The following SETBP1 variants were observed in gnomAD, a reference collection of about 807,000 sequenced individuals.
SETBP1 encodes SET-binding protein.
In SETBP1, 9 loss-of-function variants were observed where a neutral mutation model predicts 101.0. That is an observed-to-expected ratio of 0.09 (90% CI 0.05 to 0.16). The LOEUF is 0.16. Among genes scored for constraint, SETBP1 ranks in the 10% least tolerant of loss-of-function variants. SETBP1 has a pLI of 1.00. For missense variants in SETBP1, 1,858 were observed against 2,033.8 expected, an observed-to-expected ratio of 0.91 and a Z score of 1.66; for synonymous variants, 818 against 788.5, an observed-to-expected ratio of 1.04 and a Z score of -0.63.
intron 5 of SETBP1, among the ~76,000 whole-genome samples, chr18:45,045,732 A>T (rs1359834293): frequency 1.3e-5 from 2 of 152,130 alleles, no homozygotes; most frequent in Non-Finnish European, 2.9e-5. Context: ...AAATGGGGAA[A>T]AGAATATGAC....
rs147768665 is a variant in SETBP1 at position 44,950,679 on chromosome 18, G to A, written c.1339G>A (p.Val447Ile). Residue 447 changes from valine (V) to isoleucine (I), a missense_variant, in exon 4 of 6, where the codon GTA (valine) becomes ATA (isoleucine). Around this residue, in one of 12 missense-constraint regions of SETBP1, gnomAD observed 581 missense variants for 535.1 expected, o/e 1.09. Coordinates refer to ENST00000649279, the MANE Select transcript of SETBP1 (RefSeq NM_015559.3). ...TTCTGGAATCACCATGAGCAGTGAA[G>A]TAGTTAACAGGATACTTTCCAACTC... ...LASGITMSSE[V>I]VNRILSNSEG... The A allele has an allele frequency of 6.2e-7, 1 of 1,614,188 alleles. No homozygotes were observed. Among genetic ancestry groups the A allele is most frequent in the South Asian group, 1.1e-5 (1 of 91,082 alleles).
At chr18:44,742,974 C>T (rs1398642322) in intron 2 of SETBP1, among the ~76,000 whole-genome samples, 2 of 139,164 alleles carry the variant, frequency 1.4e-5, no homozygotes, top group Admixed American at 1.4e-4. Context: ...TCTCTCTCCC[C>T]CCCTGTCCCG....
intron 3 of SETBP1, among the ~76,000 whole-genome samples, chr18:44,914,627 G>C (rs1568214470): frequency 6.6e-6 from 1 of 152,154 alleles, no homozygotes; most frequent in Non-Finnish European, 1.5e-5. Flanking sequence ...GATGGTGGGA[G>C]GTGGTAGGAA....
intron 2 of SETBP1, among the ~76,000 whole-genome samples, chr18:44,765,815 G>A (rs923818383): frequency 6.6e-6 from 1 of 152,206 alleles, no homozygotes; most frequent in South Asian, 2.1e-4. Flanking sequence ...AAGCACCCAT[G>A]AAGCATCTCC....
chr18:44,919,861 A>T (rs2070538911), intron 3 of SETBP1, among the ~76,000 whole-genome samples: 1 of 152,174 alleles, frequency 6.6e-6, no homozygotes, highest in Admixed American at 6.5e-5. Context: ...TATGTATGTC[A>T]GATATATCTC....
In SETBP1 at chr18:45,017,607, A is replaced by G. The variant is rs551927450; in HGVS notation, c.4001-20878A>G. Reference sequence around the variant, plus strand: ...GAGGTGGCTGTAAAGGTGGCTATCAATGTTTTGGCAAGTGCTGCCTCGTTA... The same window carrying G: ...GAGGTGGCTGTAAAGGTGGCTATCAGTGTTTTGGCAAGTGCTGCCTCGTTA... On this transcript the variant is annotated intron_variant, in intron 4 of 5. Coordinates refer to ENST00000649279, the MANE Select transcript of SETBP1 (RefSeq NM_015559.3). 1.3e-5 allele frequency among the ~76,000 whole-genome samples: 2 copies of G among 152,328 alleles called. 1 individual carries two copies. The highest frequency in any genetic ancestry group is 4.8e-5 in the African/African-American group (2 of 41,574).
At chr18:44,904,239 C>T (rs1201469865) in intron 3 of SETBP1, among the ~76,000 whole-genome samples, 2 of 152,178 alleles carry the variant, frequency 1.3e-5, no homozygotes, top group African/African-American at 4.8e-5. Context: ...TCCTCTGTGA[C>T]TAACTTTTTT....
chr18:44,959,635 C>G (rs1355787617), intron 4 of SETBP1, among the ~76,000 whole-genome samples: 1 of 152,082 alleles, frequency 6.6e-6, no homozygotes, highest in African/African-American at 2.4e-5. Context: ...CAAGAGCCAT[C>G]AGAAAGCCAC....
intron 4 of SETBP1, among the ~76,000 whole-genome samples, chr18:44,974,336 C>A (rs892087197): frequency 1.3e-5 from 2 of 152,070 alleles, no homozygotes; most frequent in African/African-American, 4.8e-5. Context: ...CTACAATAAT[C>A]CAGGCGAGAG....
At chr18:44,917,539 C>G (rs780925276) in intron 3 of SETBP1, among the ~76,000 whole-genome samples, 1 of 152,180 alleles carries the variant, frequency 6.6e-6, no homozygotes, top group Non-Finnish European at 1.5e-5. Context: ...TTCTCTGATA[C>G]AGTTACTGAG....
At chr18:44,970,912 A>G (rs2071837033) in intron 4 of SETBP1, among the ~76,000 whole-genome samples, 1 of 151,940 alleles carries the variant, frequency 6.6e-6, no homozygotes, top group Admixed American at 6.6e-5. Flanking sequence ...ACATGTGCAC[A>G]ACGTGCAGGT....
At chr18:45,042,776 G>A (rs1224458424) in intron 5 of SETBP1, among the ~76,000 whole-genome samples, 5 of 152,110 alleles carry the variant, frequency 3.3e-5, no homozygotes, top group Non-Finnish European at 7.4e-5. Context: ...GGGGGCCATC[G>A]AGGAGATGCA....
intron 4 of SETBP1, among the ~76,000 whole-genome samples, chr18:44,993,405 G>T (rs184753905): frequency 1.3e-5 from 2 of 151,950 alleles, no homozygotes; most frequent in African/African-American, 4.8e-5. Context: ...ATGACATCCA[G>T]AAATAATATA....
chr18:44,977,979 C>T (rs2072027523), intron 4 of SETBP1, among the ~76,000 whole-genome samples: 1 of 152,010 alleles, frequency 6.6e-6, no homozygotes, highest in African/African-American at 2.4e-5. Flanking sequence ...AGCTCTGGGG[C>T]CTGTGCTCTT....
At chr18:45,017,464 G>C (rs768421583) in intron 4 of SETBP1, among the ~76,000 whole-genome samples, 23 of 152,180 alleles carry the variant, frequency 1.5e-4, no homozygotes, top group Non-Finnish European at 2.5e-4. Flanking sequence ...TGCCCACTGT[G>C]AACACTTAGC....
rs114784296 is a variant in SETBP1 at position 44,793,878 on chromosome 18, T to G, written c.487-75352T>G. On this transcript the variant is annotated intron_variant, in intron 2 of 5. Coordinates refer to ENST00000649279, the MANE Select transcript of SETBP1 (RefSeq NM_015559.3). ...CTTCCCCTCCCTCTGTTGAGCTTCT[T>G]GTGGGCCAAAGGATTGTGGAGGACA... Among the ~76,000 whole-genome samples, 637 of 152,356 alleles carry G rather than the reference T, an allele frequency of 4.2e-3. 2 individuals carry two copies. The highest frequency in any genetic ancestry group is 0.014 in the African/African-American group (595 of 41,590).
chr18:45,042,146 C>CT (rs556269689), intron 5 of SETBP1, among the ~76,000 whole-genome samples: 2 of 82,686 alleles, frequency 2.4e-5, no homozygotes, highest in Admixed American at 1.5e-4. Flanking sequence ...CTTGAAACTG[C>CT]TTTTTTTTTT....
chr18:44,780,070 T>C (rs1183090071), intron 2 of SETBP1, among the ~76,000 whole-genome samples: 2 of 152,092 alleles, frequency 1.3e-5, no homozygotes, highest in East Asian at 3.9e-4. Flanking sequence ...AACTCACAGC[T>C]TGCCTGCTCC....
chr18:45,003,829 G>T (rs1054968864), intron 4 of SETBP1, among the ~76,000 whole-genome samples: 1 of 152,136 alleles, frequency 6.6e-6, no homozygotes, highest in African/African-American at 2.4e-5. Flanking sequence ...TTCCAGGAAG[G>T]GTGACATTTC....
Sources: allele counts gnomAD v4.1 joint callset (sites outside exome capture counted in the v4.1 genomes callset), GRCh38; gene constraint gnomAD v4.1.1; regional missense constraint gnomAD v4.1.1; transcripts MANE v1.5; gene names NCBI Gene and HGNC (gene_info 2026-07-23, HGNC 2026-07-21).